The following PPP1R9A variants were observed in gnomAD, a reference collection of about 807,000 sequenced individuals.
PPP1R9A encodes the protein neurabin-1.
In PPP1R9A, 59 loss-of-function variants were observed where a neutral mutation model predicts 141.9. The observed-to-expected ratio is 0.42, with a 90% confidence interval of 0.34 to 0.52. The LOEUF (loss-of-function observed/expected upper bound fraction) is 0.52. PPP1R9A is among the 20% of genes least tolerant of loss of function. The pLI, the probability that PPP1R9A is intolerant of heterozygous loss-of-function variation, is 0.10. For synonymous variants in PPP1R9A, 500 were observed against 569.7 expected (o/e 0.88, Z 1.74); for missense variants, 1,444 against 1,611.9 (o/e 0.90, Z 1.78).
intron 7 of PPP1R9A, among the ~76,000 whole-genome samples, chr7:95,213,333 T>G (rs902017061): frequency 6.6e-6 from 1 of 151,042 alleles, no homozygotes; most frequent in Admixed American, 6.6e-5. Flanking sequence ...TTTTTTTTTT[T>G]TTTTGGAGAC....
At chr7:95,104,713 TG>T (rs943495082) in intron 2 of PPP1R9A, among the ~76,000 whole-genome samples, 2 of 152,186 alleles carry the variant, frequency 1.3e-5, no homozygotes, top group Non-Finnish European at 2.9e-5. Context: ...AACCTTAATT[TG>T]GGGGAAGAAA....
intron 2 of PPP1R9A, among the ~76,000 whole-genome samples, chr7:95,020,517 T>G (rs933159363): frequency 6.6e-6 from 1 of 152,176 alleles, no homozygotes; most frequent in African/African-American, 2.4e-5. Context: ...CACGTGCAGG[T>G]TTGTTACATA....
At chr7:95,079,013 T>C (rs1348028027) in intron 2 of PPP1R9A, among the ~76,000 whole-genome samples, 1 of 152,146 alleles carries the variant, frequency 6.6e-6, no homozygotes, top group Non-Finnish European at 1.5e-5. Flanking sequence ...ATTTTGGCTT[T>C]TGTTGCCATT....
At chr7:95,111,211 G>GTT in intron 2 of PPP1R9A, 48 bp from the exon 3 acceptor site, 1 of 1,453,288 alleles carries the variant, frequency 6.9e-7, no homozygotes, top group East Asian at 2.3e-5. Context: ...ATACCTGGCA[G>GTT]GTTTTTTTTT....
intron 17 of PPP1R9A, 69 bp downstream of exon 17, chr7:95,284,399 C>A: frequency 7.7e-7 from 1 of 1,299,438 alleles, no homozygotes; most frequent in Non-Finnish European, 1.0e-6. Context: ...ATTTAACTAC[C>A]ACCTTCTTTA....
chr7:95,083,127 A>G (rs963966098), intron 2 of PPP1R9A, among the ~76,000 whole-genome samples: 2 of 151,906 alleles, frequency 1.3e-5, no homozygotes, highest in African/African-American at 4.9e-5. Context: ...AACAAGAGAA[A>G]AGCATATATA....
intron 2 of PPP1R9A, among the ~76,000 whole-genome samples, chr7:94,999,155 T>A (rs1432415451): frequency 6.6e-6 from 1 of 152,232 alleles, no homozygotes; most frequent in Non-Finnish European, 1.5e-5. Context: ...CTTTGAACTC[T>A]AAGTAGTAGA....
chr7:95,218,059 T>C (rs1331514657), intron 7 of PPP1R9A, among the ~76,000 whole-genome samples: 1 of 152,196 alleles, frequency 6.6e-6, no homozygotes, highest in Non-Finnish European at 1.5e-5. Flanking sequence ...TTAATTGTGA[T>C]GTTAGGGTGT....
At chr7:95,105,411 G>A (rs1211918139) in intron 2 of PPP1R9A, among the ~76,000 whole-genome samples, 1 of 152,230 alleles carries the variant, frequency 6.6e-6, no homozygotes, top group Non-Finnish European at 1.5e-5. Context: ...TGTCTCTGCT[G>A]TGAAGCAGTG....
intron 2 of PPP1R9A, among the ~76,000 whole-genome samples, chr7:95,100,093 A>G (rs1818561601): frequency 6.6e-6 from 1 of 152,018 alleles, no homozygotes; most frequent in Non-Finnish European, 1.5e-5. Context: ...GCATGTATGT[A>G]TATGTAAAAC....
chr7:95,027,395 C>G (rs62467333), intron 2 of PPP1R9A, among the ~76,000 whole-genome samples: 1 of 152,108 alleles, frequency 6.6e-6, no homozygotes, highest in African/African-American at 2.4e-5. Context: ...TGCTTCGGCT[C>G]GCCCCAAGTG....
intron 2 of PPP1R9A, among the ~76,000 whole-genome samples, chr7:94,914,260 T>G (rs1396025999): frequency 6.6e-6 from 1 of 152,228 alleles, no homozygotes; most frequent in Middle Eastern, 3.2e-3. Context: ...TTTTTTGTTA[T>G]AGATCTTATT....
intron 2 of PPP1R9A, among the ~76,000 whole-genome samples, chr7:95,072,799 TATAATTATTATATATA>T (rs1295986073): frequency 4.2e-5 from 4 of 95,200 alleles, no homozygotes; most frequent in Middle Eastern, 4.6e-3. Context: ...ATATTATATT[TATAATTATTATATATA>T]ATAATTATTA....
At chr7:95,272,010 T>C (rs1288994730) in intron 14 of PPP1R9A, among the ~76,000 whole-genome samples, 1 of 152,206 alleles carries the variant, frequency 6.6e-6, no homozygotes, top group African/African-American at 2.4e-5. Flanking sequence ...CATTTCAGTG[T>C]TCCTGGGAAC....
chr7:95,235,594 A>C lies in PPP1R9A; in HGVS notation c.2112+9478A>C, dbSNP rs564796943. ...GGTGGGAATGTAAACTAGTACAACC[A>C]CTATGGAAAACAGTGTGGAGATTCC... is the stretch of plus-strand genomic sequence containing the variant. On this transcript the variant is annotated intron_variant, in intron 8 of 19. Transcript: ENST00000433360. Among the ~76,000 whole-genome samples, 8 of 152,310 alleles carry C rather than the reference A, an allele frequency of 5.3e-5. No homozygotes were observed. The South Asian group carries it at 1.7e-3, about 32-fold the overall frequency.
At chr7:95,048,941 A>C (rs568750181) in intron 2 of PPP1R9A, among the ~76,000 whole-genome samples, 187 of 150,654 alleles carry the variant, frequency 1.2e-3, no homozygotes, top group Middle Eastern at 3.4e-3. Context: ...TATATCTATA[A>C]ATTTACAAAT....
At chr7:95,111,467 C>T in intron 3 of PPP1R9A, 76 bp downstream of exon 3, 1 of 1,360,850 alleles carries the variant, frequency 7.3e-7, no homozygotes, top group South Asian at 1.5e-5. Flanking sequence ...AAAATGTAGC[C>T]TTTTTTCTAA....
chr7:95,120,952 C>A, intron 4 of PPP1R9A, 120 bp downstream of exon 4: 1 of 1,311,136 alleles, frequency 7.6e-7, no homozygotes, highest in Non-Finnish European at 1.0e-6. Flanking sequence ...TCAGGTTTCT[C>A]AGATGTGAAA....
intron 5 of PPP1R9A, among the ~76,000 whole-genome samples, chr7:95,173,275 C>G (rs112501940): frequency 3.3e-5 from 5 of 151,774 alleles, no homozygotes; most frequent in African/African-American, 1.2e-4. Context: ...ACTGGGGACT[C>G]TAAAAGAGGA....
Sources: allele counts gnomAD v4.1 joint callset (sites outside exome capture counted in the v4.1 genomes callset), GRCh38; gene constraint gnomAD v4.1.1; transcripts MANE v1.5; gene names NCBI Gene and HGNC (gene_info 2026-07-23, HGNC 2026-07-21).